DLG5: variants seen among roughly 807,000 people sequenced by gnomAD.
DLG5 encodes the protein disks large homolog 5.
DLG5 carries 48 observed loss-of-function variants against 189.8 expected under a neutral mutation model. The ratio of observed to expected loss-of-function variants is 0.25; its 90% CI spans 0.20 to 0.32. DLG5 has a LOEUF of 0.32. Among genes scored for constraint, DLG5 ranks in the 10% least tolerant of loss-of-function variants. The pLI, the probability that DLG5 is intolerant of heterozygous loss-of-function variation, is 1.00. For synonymous variants in DLG5, 1,016 were observed against 1,054.1 expected (o/e 0.96, Z 0.70); for missense variants, 2,160 against 2,544.7 (o/e 0.85, Z 3.25).
rs367649831 is a variant in DLG5 at position 77,841,935 on chromosome 10, C to T, written c.1383G>A (p.Lys461=). 5.6e-6 allele frequency: 9 copies of T among 1,614,026 alleles called. No individual in the cohort carries two copies. The highest frequency in any genetic ancestry group is 7.6e-6 in the Non-Finnish European group (9 of 1,179,962). The part of the protein sequence containing the change: ...TEVELAESKL[K]SSTSEKKAAN... ...CCGCCTTCTTCTCAGATGTGCTGCT[C>T]TTGAGCTTGGACTCGGCCAGCTCCA... Residue 461 remains lysine (K), a synonymous_variant, in exon 7 of 32, where the codon AAG becomes AAA. Coordinates refer to ENST00000372391, the MANE Select transcript of DLG5 (RefSeq NM_004747.4).
intron 1 of DLG5, among the ~76,000 whole-genome samples, chr10:77,885,291 C>T (rs1420264893): frequency 6.6e-6 from 1 of 152,168 alleles, no homozygotes; most frequent in Non-Finnish European, 1.5e-5. Context: ...GGAGCTCCCC[C>T]TAAAACACTC....
At chr10:77,923,091 A>G (rs1564599652) in intron 1 of DLG5, among the ~76,000 whole-genome samples, 1 of 152,250 alleles carries the variant, frequency 6.6e-6, no homozygotes, top group East Asian at 1.9e-4. Flanking sequence ...GAATCCATCA[A>G]GGAAGCTCCT....
intron 1 of DLG5, among the ~76,000 whole-genome samples, chr10:77,911,986 G>A (rs1173694164): frequency 6.6e-6 from 1 of 150,888 alleles, no homozygotes; most frequent in Non-Finnish European, 1.5e-5. Context: ...ATCACTTAAG[G>A]CCAGGAGTTC....
intron 4 of DLG5, among the ~76,000 whole-genome samples, chr10:77,853,957 C>T (rs993037437): frequency 6.6e-5 from 10 of 152,216 alleles, no homozygotes; most frequent in Admixed American, 6.5e-5. Context: ...ACCCAGAGGC[C>T]TGCCTGAGCC....
At chr10:77,932,590 G>A in the DLG5 span, among the ~76,000 whole-genome samples, 1 of 152,284 alleles carries the variant, frequency 6.6e-6, no homozygotes, top group Non-Finnish European at 1.5e-5. Context: ...GAGCCCAGAA[G>A]TTTGAGACCA....
chr10:77,900,866 C>T (rs190819593), intron 1 of DLG5, among the ~76,000 whole-genome samples: 2 of 152,280 alleles, frequency 1.3e-5, no homozygotes, highest in Admixed American at 6.5e-5. Flanking sequence ...ACCCGGGAGG[C>T]GGAGGTTGCA....
upstream of DLG5, among the ~76,000 whole-genome samples, chr10:77,931,017 T>C (rs57372459): frequency 5.9e-3 from 891 of 151,706 alleles, 8 homozygotes; most frequent in African/African-American, 0.02. Context: ...ACGGGGTTTC[T>C]CCATGTTGGT....
At chr10:77,814,668 G>T (rs199962944) in intron 20 of DLG5, among the ~76,000 whole-genome samples, 1 of 150,884 alleles carries the variant, frequency 6.6e-6, no homozygotes, top group Admixed American at 6.6e-5. Flanking sequence ...TCCGCCTCCC[G>T]GGTTCAAGCA....
At position 77,819,882 on chromosome 10, in the gene DLG5, C is replaced by T; in HGVS notation, c.3526+13G>A. The T allele has an allele frequency of 6.5e-7, 1 of 1,542,650 alleles. No homozygotes were observed. On this transcript the variant is annotated intron_variant, in intron 16 of 31. Coordinates refer to ENST00000372391, the MANE Select transcript of DLG5 (RefSeq NM_004747.4). ...ACCGACCCTCAGCCCCAGCCCCTGG[C>T]TGGCTGACTCACCCACAGACGGCCT...
chr10:77,877,777 C>T (rs1041972405), intron 1 of DLG5, among the ~76,000 whole-genome samples: 3 of 152,150 alleles, frequency 2.0e-5, no homozygotes, highest in Non-Finnish European at 4.4e-5. Flanking sequence ...CGTGCTATGC[C>T]CTGGAAGGTG....
chr10:77,820,288 G>A (rs964950084), intron 15 of DLG5: 2 of 373,870 alleles, frequency 5.3e-6, no homozygotes, highest in Non-Finnish European at 9.8e-6. Flanking sequence ...AGAAGTTGCA[G>A]TGAGCCAAGA....
chr10:77,793,880 C>T (rs974574518), intron 31 of DLG5, 128 bp downstream of exon 31: 48 of 762,308 alleles, frequency 6.3e-5, no homozygotes, highest in Middle Eastern at 4.7e-4. Context: ...TTGTCAGGAA[C>T]GTGCTCATGA....
At chr10:77,825,631 C>G (rs150533164) in intron 13 of DLG5, among the ~76,000 whole-genome samples, 214 of 152,010 alleles carry the variant, frequency 1.4e-3, no homozygotes, top group African/African-American at 4.9e-3. Context: ...TCTCGGCTCG[C>G]TGCAACCTCC....
upstream of DLG5, chr10:77,927,055 C>T: frequency 4.5e-6 from 1 of 224,612 alleles, no homozygotes; most frequent in Non-Finnish European, 8.8e-6. Flanking sequence ...CTCACCGGGG[C>T]CCCGCGGCCG....
intron 1 of DLG5, among the ~76,000 whole-genome samples, chr10:77,879,517 T>C (rs1026817784): frequency 6.6e-6 from 1 of 151,720 alleles, no homozygotes; most frequent in African/African-American, 2.4e-5. Flanking sequence ...CAGGGAAGCA[T>C]AGAAACAAGT....
At chr10:77,824,808 C>A in intron 13 of DLG5, 1 of 259,944 alleles carries the variant, frequency 3.8e-6, no homozygotes, top group African/African-American at 2.2e-5. Context: ...TTCCCAGCTC[C>A]TTGCCTCCAC....
At chr10:77,885,519 C>G (rs1026451419) in intron 1 of DLG5, among the ~76,000 whole-genome samples, 1 of 152,224 alleles carries the variant, frequency 6.6e-6, no homozygotes, top group Non-Finnish European at 1.5e-5. Flanking sequence ...ATCCACGACC[C>G]TGGAGTACAG....
chr10:77,841,759 CA>C, intron 7 of DLG5, 121 bp downstream of exon 7: 1 of 1,138,362 alleles, frequency 8.8e-7, no homozygotes, highest in Non-Finnish European at 1.2e-6. Flanking sequence ...CTTAGGCCTC[CA>C]GTGAGAAGCC....
intron 1 of DLG5, among the ~76,000 whole-genome samples, chr10:77,914,340 C>T (rs1846303469): frequency 6.6e-6 from 1 of 152,194 alleles, no homozygotes; most frequent in Admixed American, 6.5e-5. Context: ...TTGTTCTCTA[C>T]TCAGGGACAA....
Sources: allele counts gnomAD v4.1 joint callset (sites outside exome capture counted in the v4.1 genomes callset), GRCh38; gene constraint gnomAD v4.1.1; transcripts MANE v1.5; gene names NCBI Gene and HGNC (gene_info 2026-07-23, HGNC 2026-07-21).